DCC: variants seen among roughly 807,000 people sequenced by gnomAD.
DCC encodes DCC netrin 1 receptor.
A neutral mutation model predicts 172.5 loss-of-function variants in DCC; 58 were observed. That is an observed-to-expected ratio of 0.34 (90% confidence interval 0.27 to 0.42). The LOEUF (loss-of-function observed/expected upper bound fraction) is 0.42, where lower values mean the gene tolerates loss of function less well. Ranked by LOEUF, DCC falls within the 10% of genes least tolerant of loss-of-function variation. DCC has a pLI of 1.00. For synonymous variants in DCC, 709 were observed against 644.5 expected, an observed-to-expected ratio of 1.10 and a Z score of -1.52; for missense variants, 1,740 against 1,791.0, an observed-to-expected ratio of 0.97 and a Z score of 0.51.
chr18:52,368,200 ATC>A (rs1351478354), intron 1 of DCC, among the ~76,000 whole-genome samples: 1 of 152,148 alleles, frequency 6.6e-6, no homozygotes, highest in Non-Finnish European at 1.5e-5. Flanking sequence ...ACGAGGTGCA[ATC>A]TGTTTCATTT....
intron 3 of DCC, among the ~76,000 whole-genome samples, chr18:52,912,737 C>G (rs1156284009): frequency 6.6e-6 from 1 of 151,976 alleles, no homozygotes; most frequent in Admixed American, 6.6e-5. Flanking sequence ...GTTTCCTTAT[C>G]TGTTAAGAGA....
At chr18:52,364,789 G>A (rs1249446613) in intron 1 of DCC, among the ~76,000 whole-genome samples, 1 of 152,228 alleles carries the variant, frequency 6.6e-6, no homozygotes, top group Non-Finnish European at 1.5e-5. Flanking sequence ...CAGGCTTAGA[G>A]GCAGTGAGGA....
intron 5 of DCC, among the ~76,000 whole-genome samples, chr18:52,984,265 A>C (rs891064660): frequency 3.9e-5 from 6 of 152,222 alleles, no homozygotes; most frequent in African/African-American, 1.4e-4. Context: ...ATAGAAATAG[A>C]ATTTTTCTCT....
At chr18:52,675,215 C>A (rs2035627566) in intron 1 of DCC, among the ~76,000 whole-genome samples, 1 of 152,110 alleles carries the variant, frequency 6.6e-6, no homozygotes, top group African/African-American at 2.4e-5. Context: ...AGTGCCACCA[C>A]ACCTGGCTAA....
intron 26 of DCC, among the ~76,000 whole-genome samples, chr18:53,494,290 T>C (rs2144407288): frequency 6.6e-6 from 1 of 152,354 alleles, no homozygotes; most frequent in Admixed American, 6.5e-5. Context: ...CTACAAAGAA[T>C]GTATATTCTG....
chr18:52,485,627 A>G (rs1379813374), intron 1 of DCC, among the ~76,000 whole-genome samples: 1 of 152,128 alleles, frequency 6.6e-6, no homozygotes. Flanking sequence ...CTTCTTGAGT[A>G]CCAGGAGACC....
chr18:53,445,524 A>G (rs527334887), intron 22 of DCC, among the ~76,000 whole-genome samples: 3 of 152,308 alleles, frequency 2.0e-5, no homozygotes, highest in South Asian at 4.1e-4. Context: ...TAGAGTCAAT[A>G]TCTAGCTTTC....
intron 22 of DCC, among the ~76,000 whole-genome samples, chr18:53,449,489 G>A (rs1255911563): frequency 6.6e-6 from 1 of 152,202 alleles, no homozygotes; most frequent in African/African-American, 2.4e-5. Context: ...CCCGGTGGCT[G>A]CTTTTAGGTG....
intron 13 of DCC, among the ~76,000 whole-genome samples, chr18:53,311,613 G>A (rs1234480859): frequency 6.6e-6 from 1 of 152,066 alleles, no homozygotes; most frequent in Non-Finnish European, 1.5e-5. Flanking sequence ...ATATAACTTT[G>A]TAAAAGATAA....
At chr18:52,403,094 G>A (rs9952931) in intron 1 of DCC, among the ~76,000 whole-genome samples, 98,532 of 151,848 alleles carry the variant, frequency 0.65, 32,508 homozygotes, top group Non-Finnish European at 0.71. Flanking sequence ...AGTTTTGATG[G>A]TGGACAAAAA....
intron 27 of DCC, among the ~76,000 whole-genome samples, chr18:53,525,108 T>TAA (rs1336079507): frequency 6.6e-6 from 1 of 152,026 alleles, no homozygotes; most frequent in African/African-American, 2.4e-5. Context: ...ATACATAATC[T>TAA]CATTTAATCC....
chr18:52,440,993 A>T (rs1165667680), intron 1 of DCC, among the ~76,000 whole-genome samples: 3 of 152,216 alleles, frequency 2.0e-5, no homozygotes, highest in Non-Finnish European at 2.9e-5. Context: ...TGGTACAGCT[A>T]TCTGGGGAGT....
At chr18:53,376,747 C>T (rs1357923520) in intron 15 of DCC, among the ~76,000 whole-genome samples, 1 of 152,130 alleles carries the variant, frequency 6.6e-6, no homozygotes, top group African/African-American at 2.4e-5. Flanking sequence ...CCCTTTCTTC[C>T]CTATATCAAA....
chr18:53,472,427 G>A (rs1171833894), intron 25 of DCC, among the ~76,000 whole-genome samples: 1 of 152,124 alleles, frequency 6.6e-6, no homozygotes, highest in African/African-American at 2.4e-5. Flanking sequence ...AAGATACTGT[G>A]CACTTAGTTG....
At chr18:52,365,392 CAT>C (rs1984801180) in intron 1 of DCC, among the ~76,000 whole-genome samples, 1 of 152,146 alleles carries the variant, frequency 6.6e-6, no homozygotes, top group Admixed American at 6.5e-5. Flanking sequence ...ACAAGTAACA[CAT>C]GATTACTTAT....
At chr18:52,812,390 T>A (rs756877304) in intron 2 of DCC, among the ~76,000 whole-genome samples, 5 of 152,164 alleles carry the variant, frequency 3.3e-5, no homozygotes, top group Admixed American at 3.3e-4. Flanking sequence ...TGATTTCAGG[T>A]AGGAGGGAAG....
At chr18:52,737,885 C>T (rs958358869) in intron 1 of DCC, among the ~76,000 whole-genome samples, 8 of 152,122 alleles carry the variant, frequency 5.3e-5, no homozygotes, top group Admixed American at 5.2e-4. Flanking sequence ...GAGAGCTTAA[C>T]ATAAGATGGC....
chr18:53,274,595 C>T (rs1324590709), intron 12 of DCC, among the ~76,000 whole-genome samples: 1 of 152,072 alleles, frequency 6.6e-6, no homozygotes, highest in African/African-American at 2.4e-5. Context: ...CATATCTACT[C>T]CTAGAATTAG....
At chr18:52,613,194 A>G (rs2034307081) in intron 1 of DCC, among the ~76,000 whole-genome samples, 1 of 152,178 alleles carries the variant, frequency 6.6e-6, no homozygotes, top group African/African-American at 2.4e-5. Context: ...GATCTGTGAT[A>G]TACATGAAGG....
Sources: gnomAD v4.1 joint callset for allele counts (sites outside exome capture counted in the v4.1 genomes callset) on GRCh38, gnomAD v4.1.1 for gene constraint, MANE v1.5 for transcripts, NCBI Gene and HGNC (gene_info 2026-07-23, HGNC 2026-07-21) for gene names.